Variants in FER1L6 observed in about 807,000 individuals in gnomAD.
FER1L6 encodes fer-1-like protein 6.
Under a neutral mutation model 219.2 loss-of-function variants are expected in FER1L6, and 177 were observed. The observed-to-expected ratio is 0.81, with a 90% confidence interval of 0.71 to 0.91. FER1L6 has a LOEUF of 0.91. Ranked by LOEUF, FER1L6 falls within the 40% of genes least tolerant of loss-of-function variation. The probability of loss-of-function intolerance (pLI) is 0.00; values close to 1 mark genes in which losing one functional copy is unlikely to be tolerated. For synonymous variants in FER1L6, 768 were observed against 824.3 expected, an observed-to-expected ratio of 0.93 and a Z score of 1.17; for missense variants, 2,153 against 2,259.9, an observed-to-expected ratio of 0.95 and a Z score of 0.96.
chr8:124,085,740 TGGTCTATAGGGTCGATTA>T lies in FER1L6; in HGVS notation c.4391+3283_4391+3300del, dbSNP rs1340198013. 3.9e-5 allele frequency among the ~76,000 whole-genome samples: 6 copies of T among 152,340 alleles called. No individual in the cohort carries two copies. The East Asian group carries it at 1.2e-3, about 29-fold the overall frequency. On this transcript the variant is annotated intron_variant, in intron 33 of 40. Coordinates refer to ENST00000522917, the MANE Select transcript of FER1L6 (RefSeq NM_001039112.2). Reference sequence around the variant, plus strand: ...TCTGTAAACATCTATCAGGTCCATTTGGTCTATAGGGTCGATTATGTCCAGTGTTTCTTGGTTGGTGTC... The same window carrying T: ...TCTGTAAACATCTATCAGGTCCATTTTGTCCAGTGTTTCTTGGTTGGTGTC...
chr8:123,858,228 G>A (rs576829497), intron 1 of FER1L6, among the ~76,000 whole-genome samples: 1 of 152,280 alleles, frequency 6.6e-6, no homozygotes, highest in South Asian at 2.1e-4. Flanking sequence ...GGCCAGTTTG[G>A]CACCTCCTAG....
intron 18 of FER1L6, among the ~76,000 whole-genome samples, chr8:124,030,849 C>A (rs565050157): frequency 6.0e-4 from 92 of 152,250 alleles, no homozygotes; most frequent in Non-Finnish European, 2.5e-4. Flanking sequence ...TACTACCTCT[C>A]TCTCTCCTTC....
intron 11 of FER1L6, chr8:123,985,407 T>C (rs939617571): frequency 3.9e-5 from 6 of 152,356 alleles, no homozygotes; most frequent in African/African-American, 9.6e-5. Flanking sequence ...TATTTGTTTT[T>C]ATCTGGGCTT....
chr8:123,898,257 T>A (rs544014292), intron 1 of FER1L6, among the ~76,000 whole-genome samples: 1 of 152,238 alleles, frequency 6.6e-6, no homozygotes, highest in Middle Eastern at 3.4e-3. Context: ...ATCCAATTTT[T>A]GAATAAAAAT....
rs1223889839 is a variant in FER1L6, at chr8:123,853,414, C to CA, written c.-8+1232dup. 6.6e-6 allele frequency among the ~76,000 whole-genome samples: 1 copy of CA among 152,158 alleles called. No individual in the cohort carries two copies. The highest frequency in any genetic ancestry group is 6.5e-5 in the Admixed American group (1 of 15,280). On this transcript the variant is annotated intron_variant, in intron 1 of 40. Transcript: ENST00000522917. The surrounding 1 kb of genome is among the most constrained non-coding windows in gnomAD (Gnocchi z 6.6). ...AAACGATCCACCCACCTCAGCCTCCCAAAGTGCTGGGATTATAGGCGTGAG... is the reference window on the plus strand; with the variant it reads ...AAACGATCCACCCACCTCAGCCTCCCAAAAGTGCTGGGATTATAGGCGTGAG...
intron 1 of FER1L6, among the ~76,000 whole-genome samples, chr8:123,884,067 C>T (rs1328443851): frequency 1.3e-5 from 2 of 152,166 alleles, no homozygotes; most frequent in South Asian, 2.1e-4. Context: ...CCCTTTGGAG[C>T]TCTTGGAGAA....
chr8:123,893,429 G>C (rs1365756594), intron 1 of FER1L6, among the ~76,000 whole-genome samples: 2 of 152,168 alleles, frequency 1.3e-5, no homozygotes, highest in African/African-American at 4.8e-5. Context: ...AAATATTGCT[G>C]ATTCTTTTTC....
chr8:124,002,996 A>G (rs1328995094), intron 12 of FER1L6, among the ~76,000 whole-genome samples, 171 bp from the exon 13 acceptor site: 3 of 152,092 alleles, frequency 2.0e-5, no homozygotes, highest in Non-Finnish European at 4.4e-5. Context: ...GATAGAGATG[A>G]TAGCTCATCA....
chr8:124,003,122 GA>G (rs768767333), intron 12 of FER1L6, 44 bp from the exon 13 acceptor site: 1 of 1,556,388 alleles, frequency 6.4e-7, no homozygotes, highest in Non-Finnish European at 8.8e-7. Context: ...GACTGATTCT[GA>G]TTACCACCAC....
At chr8:123,896,092 C>A (rs888477974) in intron 1 of FER1L6, among the ~76,000 whole-genome samples, 1 of 152,042 alleles carries the variant, frequency 6.6e-6, no homozygotes, top group African/African-American at 2.4e-5. Flanking sequence ...AAGTGCTGTC[C>A]GGGGAAGGAG....
chr8:124,031,886 T>C (rs1410047832), intron 18 of FER1L6, among the ~76,000 whole-genome samples: 1 of 152,176 alleles, frequency 6.6e-6, no homozygotes. Context: ...TCGATAATGT[T>C]GAATGAATCC....
At chr8:123,969,959 C>A in intron 5 of FER1L6, 76 bp from the exon 6 acceptor site, 3 of 1,148,146 alleles carry the variant, frequency 2.6e-6, no homozygotes, top group South Asian at 1.2e-5. Context: ...TGACAAAGAT[C>A]TAAATCCACT....
intron 24 of FER1L6, 28 bp from the exon 25 acceptor site, chr8:124,061,824 C>T (rs980354713): frequency 6.2e-7 from 1 of 1,611,244 alleles, no homozygotes; most frequent in Admixed American, 1.7e-5. Context: ...TCACCAGGCC[C>T]CTTCTTCATC....
chr8:123,978,538 T>G (rs1255372616), intron 10 of FER1L6, among the ~76,000 whole-genome samples: 6 of 152,190 alleles, frequency 3.9e-5, no homozygotes, highest in Admixed American at 3.9e-4. Flanking sequence ...AAACCTTCCC[T>G]TCTTTAAATT....
At chr8:124,094,020 C>T (rs922490597) in intron 34 of FER1L6, among the ~76,000 whole-genome samples, 1 of 152,142 alleles carries the variant, frequency 6.6e-6, no homozygotes, top group South Asian at 2.1e-4. Context: ...TTGTTTTGCG[C>T]GTATCATTTC....
At chr8:123,969,899 T>A in intron 5 of FER1L6, 136 bp from the exon 6 acceptor site, 1 of 620,588 alleles carries the variant, frequency 1.6e-6, no homozygotes, top group Non-Finnish European at 2.9e-6. Context: ...GAATTGACAA[T>A]TGACAATCAA....
chr8:123,860,493 C>A (rs1181594059), intron 1 of FER1L6, among the ~76,000 whole-genome samples: 142 of 108,970 alleles, frequency 1.3e-3, no homozygotes, highest in East Asian at 4.5e-3. Context: ...TGGGTATATA[C>A]CCAGTAATGG....
At chr8:124,119,019 C>A in intron 40 of FER1L6, 75 bp downstream of exon 40, 1 of 1,246,928 alleles carries the variant, frequency 8.0e-7, no homozygotes, top group Non-Finnish European at 1.2e-6. Context: ...CTGATAATGG[C>A]ATTTCTTTAG....
In FER1L6 at chr8:124,005,738, G is replaced by C. The variant is rs183480288; in HGVS notation, c.1700+2391G>C. 3.9e-4 allele frequency among the ~76,000 whole-genome samples: 59 copies of C among 152,348 alleles called. 2 individuals carry two copies. The Middle Eastern group carries it at 0.01, about 26-fold the overall frequency. The stretch of plus-strand genomic sequence containing the variant: ...AATTACTATAACTGGATTGGGTACA[G>C]AGTACTATGGGAACAGAGTCAGGTG... On this transcript the variant is annotated intron_variant, in intron 13 of 40. Coordinates refer to ENST00000522917, the MANE Select transcript of FER1L6 (RefSeq NM_001039112.2).
Sources: gnomAD v4.1 joint callset for allele counts (sites outside exome capture counted in the v4.1 genomes callset) on GRCh38, gnomAD v4.1.1 for gene constraint, Gnocchi (gnomAD v3.1) non-coding constraint, MANE v1.5 for transcripts, NCBI Gene and HGNC (gene_info 2026-07-23, HGNC 2026-07-21) for gene names.